The following SLBP variants were observed in gnomAD, a reference collection of about 807,000 sequenced individuals.
The protein encoded by SLBP is stem-loop histone mRNA binding protein.
Under a neutral mutation model 39.2 loss-of-function variants are expected in SLBP, and 29 were observed. The observed-to-expected ratio is 0.74, with a 90% confidence interval of 0.55 to 1.01. The LOEUF is 1.01. Among genes scored for constraint, SLBP ranks in the 50% least tolerant of loss-of-function variants. SLBP has a pLI of 0.00. For synonymous variants in SLBP, 129 were observed against 118.7 expected (o/e 1.09, Z -0.57); for missense variants, 390 against 350.2 (o/e 1.11, Z -0.91).
Position 1,693,085 on chromosome 4 carries a change from C to A in SLBP, c.*512G>T. The A allele has an allele frequency of 6.4e-6, 1 of 155,636 alleles. No individual in the cohort carries two copies. Among genetic ancestry groups the A allele is most frequent in the Admixed American group, 6.2e-5 (1 of 16,062 alleles). 9.6% of individuals were successfully genotyped at this position (155,636 alleles called of 1,614,324 possible). A position where few individuals can be genotyped will look rare whatever the true frequency, so the allele number is the denominator to read the frequency against. ...TACATAAAACTCATTAGTTTAATAGCTCAATTTAACAATGTCTGACTTCAG... is the reference window on the plus strand; with the variant it reads ...TACATAAAACTCATTAGTTTAATAGATCAATTTAACAATGTCTGACTTCAG... On this transcript the variant is annotated 3_prime_UTR_variant, in exon 8 of 8. Transcript: ENST00000489418.
At chr4:1,712,109 C>A (rs1398306701) in intron 1 of SLBP, 21 bp downstream of exon 1, 2 of 1,226,620 alleles carry the variant, frequency 1.6e-6, no homozygotes, top group Admixed American at 4.3e-5. Flanking sequence ...CTCCCTCGCC[C>A]GCCGCGCAGC....
At chr4:1,698,012 A>G (rs1040770123) in intron 5 of SLBP, among the ~76,000 whole-genome samples, 1 of 151,884 alleles carries the variant, frequency 6.6e-6, no homozygotes, top group Non-Finnish European at 1.5e-5. Context: ...CGCTGGTCCC[A>G]GCTACTCAGG....
intron 3 of SLBP, among the ~76,000 whole-genome samples, chr4:1,701,143 T>C (rs1166230555): frequency 7.8e-6 from 1 of 128,726 alleles, no homozygotes; most frequent in Non-Finnish European, 1.8e-5. Flanking sequence ...TTTTCTTTTT[T>C]TTCTTTTTTT....
chr4:1,696,477 T>C (rs932392799), intron 5 of SLBP, 126 bp from the exon 6 acceptor site: 17 of 786,376 alleles, frequency 2.2e-5, no homozygotes, highest in Non-Finnish European at 3.2e-5. Context: ...GCATGGTGGC[T>C]CATGCCTGTA....
At chr4:1,703,314 C>G (rs1290389958) in intron 3 of SLBP, among the ~76,000 whole-genome samples, 1 of 151,842 alleles carries the variant, frequency 6.6e-6, no homozygotes, top group Non-Finnish European at 1.5e-5. Context: ...TGTGCACCTA[C>G]TTCCACTCTT....
Position 1,703,666 on chromosome 4 carries a change from TG to T in SLBP, c.210del (p.Arg71AspfsTer14). ...FTTPEGPKPR[S>X]RCSDWASAVE... The stretch of plus-strand genomic sequence containing the variant: ...ACTGCACTTGCCCAGTCAGAGCATC[TG>T]GAACGGGGTTTAGGGCCTTCAGGAG... On this transcript the variant is annotated frameshift_variant, in exon 3 of 8. Coordinates refer to ENST00000489418, the MANE Select transcript of SLBP (RefSeq NM_006527.4). LOFTEE classifies it high-confidence loss of function. 3.1e-6 allele frequency: 5 copies of T among 1,613,944 alleles called. No homozygotes were observed. The highest frequency in any genetic ancestry group is 4.2e-6 in the Non-Finnish European group (5 of 1,179,788).
chr4:1,705,237 C>T (rs1489443012), intron 2 of SLBP, among the ~76,000 whole-genome samples: 5 of 152,152 alleles, frequency 3.3e-5, no homozygotes, highest in Non-Finnish European at 5.9e-5. Flanking sequence ...TGCACTGACC[C>T]ATCCTAATTC....
chr4:1,700,146 C>G, intron 3 of SLBP, 76 bp from the exon 4 acceptor site: 1 of 956,518 alleles, frequency 1.0e-6, no homozygotes, highest in Non-Finnish European at 1.6e-6. Flanking sequence ...AAGCTCCACC[C>G]TGATGCCCGC....
chr4:1,704,550 CG>C (rs1322277155), intron 2 of SLBP, among the ~76,000 whole-genome samples: 2 of 152,106 alleles, frequency 1.3e-5, no homozygotes, highest in African/African-American at 4.8e-5. Flanking sequence ...TAACAAAGCC[CG>C]AGTTTCACAG....
chr4:1,696,480 T>A, intron 5 of SLBP, 129 bp from the exon 6 acceptor site: 1 of 780,188 alleles, frequency 1.3e-6, no homozygotes, highest in Non-Finnish European at 1.9e-6. Flanking sequence ...TGGTGGCTCA[T>A]GCCTGTAATC....
chr4:1,711,665 C>T (rs1716777247), intron 2 of SLBP, among the ~76,000 whole-genome samples: 1 of 152,264 alleles, frequency 6.6e-6, no homozygotes, highest in African/African-American at 2.4e-5. Flanking sequence ...CAGCTGACTC[C>T]CATCCTGGCA....
intron 2 of SLBP, 87 bp downstream of exon 2, chr4:1,711,787 G>A (rs746958578): frequency 4.5e-6 from 3 of 671,392 alleles, no homozygotes; most frequent in African/African-American, 1.9e-5. Flanking sequence ...GACCGATCCC[G>A]GCACCGCGAG....
chr4:1,700,533 G>A (rs567456561), intron 3 of SLBP, among the ~76,000 whole-genome samples: 23 of 150,406 alleles, frequency 1.5e-4, no homozygotes, highest in Non-Finnish European at 3.0e-4. Flanking sequence ...TTGAAACCAC[G>A]AGCTACCTTG....
intron 3 of SLBP, among the ~76,000 whole-genome samples, chr4:1,701,555 C>A (rs908312129): frequency 4.6e-5 from 7 of 152,190 alleles, no homozygotes; most frequent in African/African-American, 1.7e-4. Context: ...AGTAAGCCGG[C>A]CTGTCAGTAA....
Position 1,703,740 on chromosome 4 carries a change from CTTTGT to C in SLBP, c.177-45_177-41del, listed in dbSNP as rs771665114. The C allele has an allele frequency of 4.5e-6, 6 of 1,322,612 alleles. No homozygotes were observed. In the Admixed American group the frequency reaches 5.0e-5, roughly 11 times the overall value. 81.9% of individuals were successfully genotyped at this position (1,322,612 alleles called of 1,614,324 possible). A position where few individuals can be genotyped will look rare whatever the true frequency, so the allele number is the denominator to read the frequency against. On this transcript the variant is annotated intron_variant, in intron 2 of 7. Transcript: ENST00000489418. Reference sequence around the variant, plus strand: ...AAATGCTACTGAACCATGACACATACTTTGTTTTCTTTCAAACTGTATGTCAAGAA... The same window carrying C: ...AAATGCTACTGAACCATGACACATACTTTCTTTCAAACTGTATGTCAAGAA...
At chr4:1,711,822 G>A in intron 2 of SLBP, 52 bp downstream of exon 2, 2 of 1,000,870 alleles carry the variant, frequency 2.0e-6, no homozygotes, top group Non-Finnish European at 2.6e-6. Flanking sequence ...CCTGGAGCCC[G>A]CGGCCTCGTC....
chr4:1,705,046 G>C (rs1360553230), intron 2 of SLBP, among the ~76,000 whole-genome samples: 1 of 151,992 alleles, frequency 6.6e-6, no homozygotes, highest in Non-Finnish European at 1.5e-5. Flanking sequence ...TCCTGCCTCA[G>C]CCTCCCGAGT....
At chr4:1,709,907 C>T (rs577984961) in intron 2 of SLBP, among the ~76,000 whole-genome samples, 3 of 152,336 alleles carry the variant, frequency 2.0e-5, no homozygotes, top group African/African-American at 7.2e-5. Context: ...CGCGCCCGGC[C>T]TACTTCTTAA....
At chr4:1,705,507 A>C (rs183401394) in intron 2 of SLBP, among the ~76,000 whole-genome samples, 121 of 152,296 alleles carry the variant, frequency 7.9e-4, no homozygotes, top group African/African-American at 2.8e-3. Context: ...ATTTTGTCAG[A>C]TTATCATGGG....
Sources: gnomAD v4.1 joint callset for allele counts (sites outside exome capture counted in the v4.1 genomes callset) on GRCh38, gnomAD v4.1.1 for gene constraint, MANE v1.5 for transcripts, NCBI Gene and HGNC (gene_info 2026-07-23, HGNC 2026-07-21) for gene names.